The following TLK1 variants were observed in gnomAD, a reference collection of about 807,000 sequenced individuals.
TLK1 encodes tousled like kinase 1.
Under a neutral mutation model 105.3 loss-of-function variants are expected in TLK1, and 24 were observed. That is an observed-to-expected ratio of 0.23 (90% CI 0.17 to 0.32). The LOEUF (loss-of-function observed/expected upper bound fraction) is 0.32, where lower values mean the gene tolerates loss of function less well. TLK1 is among the 10% of genes least tolerant of loss of function. The probability of loss-of-function intolerance (pLI) is 1.00; values close to 1 mark genes in which losing one functional copy is unlikely to be tolerated. For missense variants in TLK1, 558 were observed against 910.5 expected (o/e 0.61, Z 4.98); for synonymous variants, 321 against 310.4 (o/e 1.03, Z -0.36).
Position 170,993,700 on chromosome 2 carries a change from AAC to A in TLK1, c.*78_*79del. On this transcript the variant is annotated 3_prime_UTR_variant, in exon 21 of 21. Transcript: ENST00000431350. ...AAAAAAAAAAAAAAAAGAAAAAGAA[AAC>A]AAACACTCAAATGCTCTCAAACTTA... The A allele has an allele frequency of 4.2e-6, 5 of 1,181,762 alleles. No individual in the cohort carries two copies. Among genetic ancestry groups the A allele is most frequent in the Admixed American group, 2.8e-5 (1 of 35,946 alleles). 73.2% of individuals were successfully genotyped at this position (1,181,762 alleles called of 1,614,324 possible). A position where few individuals can be genotyped will look rare whatever the true frequency, so the allele number is the denominator to read the frequency against.
intron 1 of TLK1, among the ~76,000 whole-genome samples, chr2:171,126,998 G>C (rs1034848641): frequency 6.6e-6 from 1 of 151,926 alleles, no homozygotes; most frequent in Non-Finnish European, 1.5e-5. Flanking sequence ...AGTCTGGGCT[G>C]GGCACGGTGG....
intron 1 of TLK1, among the ~76,000 whole-genome samples, chr2:171,148,934 CGT>C (rs544756617): frequency 8.1e-5 from 11 of 136,450 alleles, no homozygotes; most frequent in East Asian, 2.1e-4. Context: ...TGTGCGTGTG[CGT>C]GTGTGTGTAT....
intron 11 of TLK1, among the ~76,000 whole-genome samples, chr2:171,031,871 GAATTAACATGAAGCCTC>G (rs1178165233): frequency 6.6e-6 from 1 of 152,150 alleles, no homozygotes; most frequent in Non-Finnish European, 1.5e-5. Context: ...TTTAAGCAGA[GAATTAACATGAAGCCTC>G]AAAGAACACA....
chr2:171,215,054 T>C (rs1451572729), intron 1 of TLK1, among the ~76,000 whole-genome samples: 2 of 152,024 alleles, frequency 1.3e-5, no homozygotes, highest in Admixed American at 6.6e-5. Context: ...AATCCTCCCA[T>C]CTTAGTCTCC....
intron 1 of TLK1, among the ~76,000 whole-genome samples, chr2:171,178,485 T>C (rs530692475): frequency 8.5e-5 from 13 of 152,316 alleles, no homozygotes; most frequent in Admixed American, 2.6e-4. Flanking sequence ...TCCCTCTTCA[T>C]TGACTCAGTA....
At chr2:171,204,674 A>G (rs930518827) in intron 1 of TLK1, among the ~76,000 whole-genome samples, 3 of 152,146 alleles carry the variant, frequency 2.0e-5, no homozygotes, top group African/African-American at 7.2e-5. Flanking sequence ...AAAGGAAATT[A>G]TGGGCTGGGC....
At chr2:171,151,286 C>T (rs1333633237) in intron 1 of TLK1, among the ~76,000 whole-genome samples, 1 of 151,292 alleles carries the variant, frequency 6.6e-6, no homozygotes, top group African/African-American at 2.4e-5. Flanking sequence ...CCCTAAATGC[C>T]GGGATTACAG....
intron 1 of TLK1, among the ~76,000 whole-genome samples, chr2:171,201,287 CA>C (rs1693393753): frequency 6.6e-6 from 1 of 152,086 alleles, no homozygotes; most frequent in African/African-American, 2.4e-5. Context: ...TTCATTTTAT[CA>C]ATGCTTGTTA....
intron 1 of TLK1, among the ~76,000 whole-genome samples, chr2:171,171,560 C>A (rs1195493679): frequency 6.7e-6 from 1 of 148,278 alleles, no homozygotes; most frequent in Non-Finnish European, 1.5e-5. Context: ...AAGATAGTTG[C>A]AATACATATA....
At chr2:171,163,745 T>C (rs1322934461), upstream of TLK1, among the ~76,000 whole-genome samples, 5 of 143,266 alleles carry the variant, frequency 3.5e-5, no homozygotes, top group East Asian at 1.0e-3. Context: ...TTCATAGTAC[T>C]TTTTTTTTTT....
chr2:171,194,361 A>G (rs1228157681), intron 1 of TLK1, among the ~76,000 whole-genome samples: 1 of 152,234 alleles, frequency 6.6e-6, no homozygotes, highest in Non-Finnish European at 1.5e-5. Flanking sequence ...GAGGAATGTA[A>G]AGAAATCTTA....
chr2:171,018,728 G>A (rs568693816), intron 12 of TLK1, among the ~76,000 whole-genome samples: 1 of 152,260 alleles, frequency 6.6e-6, no homozygotes, highest in African/African-American at 2.4e-5. Flanking sequence ...AGAACACCAA[G>A]TTTCAGTCCT....
chr2:171,067,210 A>G (rs1332875791), intron 3 of TLK1, among the ~76,000 whole-genome samples: 1 of 144,222 alleles, frequency 6.9e-6, no homozygotes, highest in Non-Finnish European at 1.5e-5. Context: ...CCCAGGCTGG[A>G]GTGCAGTGAC....
At chr2:171,095,798 A>T (rs182370774) in intron 2 of TLK1, among the ~76,000 whole-genome samples, 2,452 of 150,964 alleles carry the variant, frequency 0.016, 66 homozygotes, top group African/African-American at 0.053. Flanking sequence ...TCATGATTTA[A>T]AAAAAAAAAA....
At chr2:171,213,981 G>A (rs1262368460) in intron 1 of TLK1, among the ~76,000 whole-genome samples, 3 of 151,128 alleles carry the variant, frequency 2.0e-5, no homozygotes, top group Non-Finnish European at 4.4e-5. Context: ...GGAGTGTGGA[G>A]CTCACCTCTA....
chr2:171,024,235 T>C (rs982904089), intron 12 of TLK1, among the ~76,000 whole-genome samples: 9 of 152,184 alleles, frequency 5.9e-5, no homozygotes, highest in African/African-American at 1.9e-4. Context: ...TTCCTTAAGA[T>C]ATATTTTAAA....
intron 18 of TLK1, 84 bp from the exon 19 acceptor site, chr2:170,997,907 A>G: frequency 2.7e-6 from 2 of 739,086 alleles, no homozygotes; most frequent in East Asian, 2.6e-5. Context: ...TTAGAACACG[A>G]ATTTTATTCA....
At chr2:171,224,063 G>C (rs1192439120) in intron 1 of TLK1, among the ~76,000 whole-genome samples, 1 of 151,868 alleles carries the variant, frequency 6.6e-6, no homozygotes, top group African/African-American at 2.4e-5. Flanking sequence ...TTTTTTTCTA[G>C]TAGTTTTATA....
chr2:171,201,333 T>C (rs142823527), intron 1 of TLK1, among the ~76,000 whole-genome samples: 1 of 152,330 alleles, frequency 6.6e-6, no homozygotes, highest in Non-Finnish European at 1.5e-5. Flanking sequence ...TATTTACAGA[T>C]TTACACTTAA....
Sources: allele counts gnomAD v4.1 joint callset (sites outside exome capture counted in the v4.1 genomes callset), GRCh38; gene constraint gnomAD v4.1.1; transcripts MANE v1.5; gene names NCBI Gene and HGNC (gene_info 2026-07-23, HGNC 2026-07-21).